The following UBE2R2 variants were observed in gnomAD, a reference collection of about 807,000 sequenced individuals.
UBE2R2 encodes ubiquitin conjugating enzyme E2 R2, also known as ubiquitin-conjugating enzyme E2 R2.
In UBE2R2, 1 loss-of-function variant was observed where a neutral mutation model predicts 27.8. The observed-to-expected ratio is 0.04, with a 90% confidence interval of 0.01 to 0.17. The LOEUF is 0.17. Ranked by LOEUF, UBE2R2 falls within the 10% of genes least tolerant of loss-of-function variation. UBE2R2 has a pLI of 1.00. For synonymous variants in UBE2R2, 106 were observed against 113.3 expected, an observed-to-expected ratio of 0.94 and a Z score of 0.41; for missense variants, 100 against 291.0, an observed-to-expected ratio of 0.34 and a Z score of 4.78.
intron 1 of UBE2R2, among the ~76,000 whole-genome samples, chr9:33,841,017 C>T (rs1438893875): frequency 6.6e-6 from 1 of 152,004 alleles, no homozygotes; most frequent in Non-Finnish European, 1.5e-5. Context: ...CTCTGCCCCC[C>T]GGGTTCAAGC....
intron 1 of UBE2R2, among the ~76,000 whole-genome samples, chr9:33,837,343 A>T (rs1820636010): frequency 1.3e-5 from 2 of 148,216 alleles, no homozygotes; most frequent in South Asian, 4.3e-4. Flanking sequence ...CTCAGCCCCG[A>T]CCATGCACAG....
At chr9:33,834,442 CCTT>C (rs1820568149) in intron 1 of UBE2R2, among the ~76,000 whole-genome samples, 1 of 151,762 alleles carries the variant, frequency 6.6e-6, no homozygotes, top group Non-Finnish European at 1.5e-5. Context: ...GCACTCCTGA[CCTT>C]AGGTGATCTG....
chr9:33,846,997 T>TC (rs1439850871), intron 1 of UBE2R2, among the ~76,000 whole-genome samples: 1 of 60,658 alleles, frequency 1.6e-5, no homozygotes, highest in African/African-American at 7.8e-5. Flanking sequence ...TTTATTTTGC[T>TC]TTTTTTTTTT....
At chr9:33,856,006 C>T (rs1196965789) in intron 1 of UBE2R2, among the ~76,000 whole-genome samples, 2 of 152,234 alleles carry the variant, frequency 1.3e-5, no homozygotes, top group South Asian at 2.1e-4. Context: ...TGCTGTGAGC[C>T]GAGATTGTGC....
chr9:33,854,485 A>G (rs1821051634), intron 1 of UBE2R2, among the ~76,000 whole-genome samples: 1 of 151,568 alleles, frequency 6.6e-6, no homozygotes, highest in Non-Finnish European at 1.5e-5. Flanking sequence ...ATGCCCGGCT[A>G]GTTTTTGTAT....
intron 1 of UBE2R2, among the ~76,000 whole-genome samples, chr9:33,867,734 A>G (rs769109530): frequency 7.2e-5 from 11 of 152,206 alleles, no homozygotes; most frequent in Non-Finnish European, 1.5e-4. Context: ...TCCTGGGTAC[A>G]CGCCATTCTC....
chr9:33,874,273 CTTAA>C (rs1563996539), intron 1 of UBE2R2, among the ~76,000 whole-genome samples: 1 of 151,944 alleles, frequency 6.6e-6, no homozygotes, highest in African/African-American at 2.4e-5. Context: ...TATTTTCAAA[CTTAA>C]TTGAGTGTAT....
At chr9:33,847,625 T>C (rs1421148713) in intron 1 of UBE2R2, among the ~76,000 whole-genome samples, 3 of 152,104 alleles carry the variant, frequency 2.0e-5, no homozygotes, top group Non-Finnish European at 4.4e-5. Context: ...TGCTTCATTC[T>C]CTCTCTCTTC....
chr9:33,888,971 AC>A (rs1434252287), intron 2 of UBE2R2, among the ~76,000 whole-genome samples: 3 of 152,250 alleles, frequency 2.0e-5, no homozygotes, highest in African/African-American at 7.2e-5. Flanking sequence ...TTCAGACAGA[AC>A]AGACTGGTAC....
intron 1 of UBE2R2, among the ~76,000 whole-genome samples, chr9:33,880,810 G>A (rs1180378801): frequency 6.6e-6 from 1 of 152,174 alleles, no homozygotes; most frequent in Non-Finnish European, 1.5e-5. Flanking sequence ...AACTGGGCAT[G>A]TGAGGGATCT....
At chr9:33,901,365 G>T (rs1404281479) in intron 3 of UBE2R2, among the ~76,000 whole-genome samples, 1 of 152,066 alleles carries the variant, frequency 6.6e-6, no homozygotes, top group African/African-American at 2.4e-5. Flanking sequence ...TTCATCACCT[G>T]CCTGAAATAA....
intron 1 of UBE2R2, among the ~76,000 whole-genome samples, chr9:33,828,394 C>CTTTT (rs200771475): frequency 7.4e-6 from 1 of 135,424 alleles, no homozygotes. Context: ...TCTCTTAAAA[C>CTTTT]TTTTTTTTTT....
At chr9:33,851,887 T>A (rs944728491) in intron 1 of UBE2R2, among the ~76,000 whole-genome samples, 4 of 152,104 alleles carry the variant, frequency 2.6e-5, no homozygotes, top group Non-Finnish European at 4.4e-5. Flanking sequence ...GCATAAATAG[T>A]ATTATTTTAA....
At chr9:33,893,171 C>T (rs1431332745) in intron 2 of UBE2R2, among the ~76,000 whole-genome samples, 1 of 152,148 alleles carries the variant, frequency 6.6e-6, no homozygotes, top group East Asian at 1.9e-4. Context: ...AGTGGTAAAG[C>T]GTTTCCATCA....
At chr9:33,890,792 A>G (rs887247175) in intron 2 of UBE2R2, among the ~76,000 whole-genome samples, 1 of 152,234 alleles carries the variant, frequency 6.6e-6, no homozygotes, top group African/African-American at 2.4e-5. Flanking sequence ...CCTGGGCGAC[A>G]GAGCAAGACT....
intron 1 of UBE2R2, among the ~76,000 whole-genome samples, chr9:33,834,841 T>C (rs1314658941): frequency 1.4e-5 from 2 of 147,418 alleles, no homozygotes; most frequent in East Asian, 2.0e-4. Context: ...TCCCGGGAGG[T>C]GGAGGTTGCA....
intron 1 of UBE2R2, among the ~76,000 whole-genome samples, chr9:33,868,041 T>C (rs1821401646): frequency 6.6e-6 from 1 of 152,130 alleles, no homozygotes; most frequent in Non-Finnish European, 1.5e-5. Flanking sequence ...AGGTGATGAA[T>C]GCAGAAGACT....
intron 1 of UBE2R2, among the ~76,000 whole-genome samples, 166 bp downstream of exon 1, chr9:33,818,100 C>T (rs1825857957): frequency 6.6e-6 from 1 of 152,036 alleles, no homozygotes; most frequent in Non-Finnish European, 1.5e-5. Context: ...GCCTTGCTCG[C>T]CGAGTGCCTT....
intron 1 of UBE2R2, among the ~76,000 whole-genome samples, chr9:33,845,805 C>T (rs1014427901): frequency 6.6e-6 from 1 of 151,424 alleles, no homozygotes; most frequent in Non-Finnish European, 1.5e-5. Context: ...GTCAGGAGTT[C>T]GAGACCAGCC....
Sources: gnomAD v4.1 joint callset for allele counts (sites outside exome capture counted in the v4.1 genomes callset) on GRCh38, gnomAD v4.1.1 for gene constraint, MANE v1.5 for transcripts, NCBI Gene and HGNC (gene_info 2026-07-23, HGNC 2026-07-21) for gene names.